The following SHOX variants were observed in gnomAD, a reference collection of about 807,000 sequenced individuals.
SHOX encodes the protein short stature homeobox protein.
In SHOX, 12 loss-of-function variants were observed where a neutral mutation model predicts 29.6. The ratio of observed to expected loss-of-function variants is 0.41; its 90% CI spans 0.26 to 0.66. The LOEUF is 0.66. SHOX is among the 30% of genes least tolerant of loss of function. The pLI is 0.35. For synonymous variants in SHOX, 214 were observed against 200.6 expected (o/e 1.07, Z -0.57); for missense variants, 499 against 437.7 (o/e 1.14, Z -1.25).
rs2053032617 is a variant in SHOX, at chrX:650,147, A to C, written c.*5511A>C. On this transcript the variant is annotated 3_prime_UTR_variant, in exon 5 of 5. Transcript: ENST00000686671. ...CCCCTTGGCTGTGGCTGTCTTCTCCAGCGCCGTGGATAAAGAGATGGGACA... is the reference window on the plus strand; with the variant it reads ...CCCCTTGGCTGTGGCTGTCTTCTCCCGCGCCGTGGATAAAGAGATGGGACA... Among the ~76,000 whole-genome samples, 1 of 152,310 alleles carries C rather than the reference A, an allele frequency of 6.6e-6. No homozygotes were observed. Among genetic ancestry groups the C allele is most frequent in the South Asian group, 2.1e-4 (1 of 4,830 alleles).
intron 5 of SHOX, among the ~76,000 whole-genome samples, chrX:656,861 C>T (rs1296286864): frequency 0.56 from 22,321 of 39,682 alleles, 5,741 homozygotes; most frequent in East Asian, 0.65. Flanking sequence ...AAAAAAAAAA[C>T]TGCTGCCCAA....
At position 631,017 on chromosome X, in the gene SHOX, G is replaced by A. The variant is rs139059497; in HGVS notation, c.120G>A (p.Glu40=). Residue 40 remains glutamate, a synonymous_variant, in exon 1 of 5, where the codon GAG becomes GAA. Transcript: ENST00000686671. ...CCATTACGTACCGGGAAGTTTTGGA[G>A]AGCGGACTGGCGCGCTCCCGGGAGC... is the stretch of plus-strand genomic sequence containing the variant. ...KDSITYREVL[E]SGLARSRELG... The A allele has an allele frequency of 1.4e-4, 231 of 1,613,852 alleles. 1 individual carries two copies. In the African/African-American group the frequency reaches 2.3e-3, roughly 16 times the overall value.
At chrX:625,502 T>C (rs181996933) in intron 1 of SHOX, among the ~76,000 whole-genome samples, 2 of 151,894 alleles carry the variant, frequency 1.3e-5, no homozygotes, top group South Asian at 2.1e-4. Flanking sequence ...CCCCTGTCTG[T>C]CGCTATTTTT....
chrX:625,227 C>CCCTCCTCCTCCTCCTTCTT (rs2052502385), intron 1 of SHOX, among the ~76,000 whole-genome samples: 2 of 139,070 alleles, frequency 1.4e-5, no homozygotes, highest in Non-Finnish European at 1.5e-5. Context: ...TCCTCCTTCT[C>CCCTCCTCCTCCTCCTTCTT]CCTCCTCCTC....
At chrX:652,935 T>C (rs2053088329), downstream of SHOX, among the ~76,000 whole-genome samples, 1 of 152,150 alleles carries the variant, frequency 6.6e-6, no homozygotes. Flanking sequence ...AGTTATTTCA[T>C]GGTTAAACTA....
chrX:658,467 A>C (rs1329422447), intron 5 of SHOX, among the ~76,000 whole-genome samples: 2 of 147,308 alleles, frequency 1.4e-5, no homozygotes, highest in African/African-American at 5.1e-5. Context: ...TCTCAAAAAG[A>C]ACTCTTTTTT....
At chrX:625,715 G>C (rs1307695911) in intron 1 of SHOX, among the ~76,000 whole-genome samples, 35 of 122,030 alleles carry the variant, frequency 2.9e-4, no homozygotes, top group African/African-American at 6.3e-4. Flanking sequence ...TTCTATCTCT[G>C]TCTCTCTCTC....
At chrX:643,977 GC>G (rs1476709895) in intron 4 of SHOX, among the ~76,000 whole-genome samples, 1 of 65,502 alleles carries the variant, frequency 1.5e-5, no homozygotes, top group Non-Finnish European at 3.4e-5. Context: ...TCTCGGGAGA[GC>G]CTTGGTGACC....
chrX:636,402 T>C (rs966502506), intron 2 of SHOX, among the ~76,000 whole-genome samples: 39 of 136,866 alleles, frequency 2.8e-4, no homozygotes, highest in African/African-American at 1.1e-3. Flanking sequence ...TAAATATATA[T>C]AAAAACATAT....
Position 650,009 on chromosome X carries a change from TCTGA to T in SHOX, c.*5377_*5380del. ...TAGATTTTCTTTCTCCGTTCGAGTC[TCTGA>T]CTGGTGCATACTTTGCAAAGGTGTG... is the stretch of plus-strand genomic sequence containing the variant. On this transcript the variant is annotated 3_prime_UTR_variant, in exon 5 of 5. Transcript: ENST00000686671. 2.2e-6 allele frequency: 1 copy of T among 456,088 alleles called. No homozygotes were observed. The highest frequency in any genetic ancestry group is 1.5e-5 in the South Asian group (1 of 64,560). 28.3% of individuals were successfully genotyped at this position (456,088 alleles called of 1,614,324 possible). A position where few individuals can be genotyped will look rare whatever the true frequency, so the allele number is the denominator to read the frequency against.
upstream of SHOX, among the ~76,000 whole-genome samples, chrX:628,227 T>G (rs1326127784): frequency 2.7e-5 from 4 of 148,122 alleles, no homozygotes; most frequent in East Asian, 2.1e-4. Context: ...GTGTCGCTCT[T>G]TCTCTCTCTC....
chrX:641,279 G>C (rs2052849153), intron 4 of SHOX, among the ~76,000 whole-genome samples, 192 bp downstream of exon 4: 1 of 152,160 alleles, frequency 6.6e-6, no homozygotes, highest in Non-Finnish European at 1.5e-5. Flanking sequence ...AAATCAGGCT[G>C]GGCCAGGCGG....
downstream of SHOX, among the ~76,000 whole-genome samples, chrX:651,715 C>G (rs2053067846): frequency 1.3e-5 from 2 of 150,850 alleles, no homozygotes; most frequent in Admixed American, 6.6e-5. Flanking sequence ...CCGTGCATTT[C>G]CAGGGTGGGT....
At position 638,986 on chromosome X, in the gene SHOX, T is replaced by C. The variant is rs545231244; in HGVS notation, c.487-1835T>C. Among the ~76,000 whole-genome samples the C allele has an allele frequency of 9.9e-5, 15 of 151,238 alleles. No individual in the cohort carries two copies. The East Asian group carries it at 2.1e-3, about 22-fold the overall frequency. On this transcript the variant is annotated intron_variant, in intron 2 of 4. Transcript: ENST00000686671. ...ACTAAGACTGTCAGGGAGGTGGTGG[T>C]GGGGGAGAGGAGGGGGTGGTGTCCA...
rs911650031 is a variant in SHOX, at chrX:650,876, G to A, written c.*6240G>A. ...TAGCGAGTATATGCTGATATTCTTCGACACACGTGGGTAAGTTGATGCCAT... is the reference window on the plus strand; with the variant it reads ...TAGCGAGTATATGCTGATATTCTTCAACACACGTGGGTAAGTTGATGCCAT... On this transcript the variant is annotated 3_prime_UTR_variant, in exon 5 of 5. Coordinates refer to ENST00000686671, the MANE Select transcript of SHOX (RefSeq NM_000451.4). 1.4e-5 allele frequency among the ~76,000 whole-genome samples: 2 copies of A among 146,472 alleles called. No individual in the cohort carries two copies. The highest frequency in any genetic ancestry group is 3.0e-5 in the Non-Finnish European group (2 of 67,172).
chrX:654,603 A>T (rs750381954), downstream of SHOX, among the ~76,000 whole-genome samples: 14 of 152,306 alleles, frequency 9.2e-5, no homozygotes, highest in South Asian at 1.0e-3. Flanking sequence ...TATAACAATT[A>T]AAAAAAGTCA....
chrX:659,388 C>A (rs1314964234), exon 6 of SHOX: 1 of 152,144 alleles, frequency 6.6e-6, no homozygotes, highest in East Asian at 1.9e-4. Flanking sequence ...CCCGTGGTCT[C>A]CAAAAAAAGG....
Position 651,295 on chromosome X carries a change from T to C in SHOX, c.*6659T>C, listed in dbSNP as rs1194446723. On this transcript the variant is annotated 3_prime_UTR_variant, in exon 5 of 5. Transcript: ENST00000686671. ...ATACATCTACAGATATTTTCAGGGATTGCTTCAGATGAAAACAAATCACAC... is the reference window on the plus strand; with the variant it reads ...ATACATCTACAGATATTTTCAGGGACTGCTTCAGATGAAAACAAATCACAC... 1 of 455,798 alleles carries C rather than the reference T, an allele frequency of 2.2e-6. No individual in the cohort carries two copies. The highest frequency in any genetic ancestry group is 2.0e-5 in the African/African-American group (1 of 50,134). The allele number at this position is 455,798 out of a possible 1,614,324, so 28.2% of individuals were successfully genotyped here. A position where few individuals can be genotyped will look rare whatever the true frequency, so the allele number is the denominator to read the frequency against.
rs190114320 is a variant in SHOX, at chrX:649,527, G to C, written c.*4891G>C. On this transcript the variant is annotated 3_prime_UTR_variant, in exon 5 of 5. Coordinates refer to ENST00000686671, the MANE Select transcript of SHOX (RefSeq NM_000451.4). ...ATTTATGGGGTGGGTGTACGCTGGC[G>C]ATTCTTGGTGCTTTTTGCTCAAAAC... Among the ~76,000 whole-genome samples the C allele has an allele frequency of 8.1e-4, 123 of 152,278 alleles. No homozygotes were observed. The highest frequency in any genetic ancestry group is 6.8e-3 in the Middle Eastern group (2 of 294).
Sources: gnomAD v4.1 joint callset for allele counts (sites outside exome capture counted in the v4.1 genomes callset) on GRCh38, gnomAD v4.1.1 for gene constraint, MANE v1.5 for transcripts, NCBI Gene and HGNC (gene_info 2026-07-23, HGNC 2026-07-21) for gene names.